DENND1A: variants seen among roughly 807,000 people sequenced by gnomAD.
The protein encoded by DENND1A is DENN domain containing 1A.
In DENND1A, 51 loss-of-function variants were observed where a neutral mutation model predicts 113.7. The observed-to-expected ratio is 0.45, with a 90% CI of 0.36 to 0.57. DENND1A has a LOEUF of 0.57. Ranked by LOEUF, DENND1A falls within the 20% of genes least tolerant of loss-of-function variation. DENND1A has a pLI of 0.00. For synonymous variants in DENND1A, 565 were observed against 570.8 expected (o/e 0.99, Z 0.14); for missense variants, 1,258 against 1,395.9 (o/e 0.90, Z 1.57).
intron 11 of DENND1A, among the ~76,000 whole-genome samples, chr9:123,598,476 A>C (rs1214870868): frequency 6.6e-6 from 1 of 151,714 alleles, no homozygotes; most frequent in Non-Finnish European, 1.5e-5. Context: ...AAAAAAAAAA[A>C]ACCAACCCCA....
At chr9:123,860,096 G>A (rs1026207057) in intron 2 of DENND1A, among the ~76,000 whole-genome samples, 4 of 152,170 alleles carry the variant, frequency 2.6e-5, no homozygotes, top group Non-Finnish European at 5.9e-5. Context: ...GAAGGTGCAC[G>A]CCTGAGCTAA....
intron 5 of DENND1A, among the ~76,000 whole-genome samples, chr9:123,705,572 C>T (rs759402545): frequency 2.0e-5 from 3 of 151,756 alleles, no homozygotes; most frequent in African/African-American, 7.3e-5. Flanking sequence ...TTATAGAACC[C>T]GTAAAAACAT....
intron 1 of DENND1A, among the ~76,000 whole-genome samples, chr9:123,926,243 T>C (rs1046706855): frequency 2.6e-5 from 4 of 152,176 alleles, no homozygotes; most frequent in African/African-American, 9.7e-5. Context: ...AATGTTGATT[T>C]GAGGCAAGAC....
intron 8 of DENND1A, among the ~76,000 whole-genome samples, chr9:123,666,367 C>A (rs2063493486): frequency 6.6e-6 from 1 of 152,308 alleles, no homozygotes; most frequent in Middle Eastern, 3.4e-3. Flanking sequence ...AGAAGGCAAA[C>A]ATCAACCTTC....
chr9:123,385,316 C>G (rs2042502868), intron 22 of DENND1A, among the ~76,000 whole-genome samples: 1 of 152,186 alleles, frequency 6.6e-6, no homozygotes, highest in Non-Finnish European at 1.5e-5. Flanking sequence ...AGGCTCCTGC[C>G]TTTTGCCTGG....
chr9:123,483,347 G>C (rs536543425), intron 13 of DENND1A, among the ~76,000 whole-genome samples: 5 of 152,184 alleles, frequency 3.3e-5, no homozygotes, highest in Non-Finnish European at 5.9e-5. Flanking sequence ...AGAGATGCTG[G>C]GGGGCCATGC....
intron 3 of DENND1A, among the ~76,000 whole-genome samples, chr9:123,775,562 T>TC (rs1267323279): frequency 2.3e-4 from 35 of 152,174 alleles, no homozygotes; most frequent in Non-Finnish European, 4.7e-4. Context: ...AAATACTATT[T>TC]TGTAAGCATA....
intron 2 of DENND1A, among the ~76,000 whole-genome samples, chr9:123,865,994 C>G (rs1005796465): frequency 6.6e-6 from 1 of 152,152 alleles, no homozygotes; most frequent in Non-Finnish European, 1.5e-5. Context: ...ACTTCCTGGA[C>G]GGCCATGATG....
At chr9:123,646,623 T>C (rs1383741912) in intron 9 of DENND1A, among the ~76,000 whole-genome samples, 1 of 152,096 alleles carries the variant, frequency 6.6e-6, no homozygotes, top group African/African-American at 2.4e-5. Flanking sequence ...CCACTCCCCA[T>C]CCGCTCTCTT....
intron 5 of DENND1A, among the ~76,000 whole-genome samples, chr9:123,754,247 T>C (rs1231945572): frequency 6.6e-6 from 1 of 152,162 alleles, no homozygotes; most frequent in East Asian, 1.9e-4. Context: ...TGAGCTCTCA[T>C]TCTCTTGGCA....
intron 7 of DENND1A, among the ~76,000 whole-genome samples, chr9:123,668,813 G>A (rs182157284): frequency 7.2e-5 from 11 of 152,306 alleles, no homozygotes; most frequent in East Asian, 3.9e-4. Context: ...ACGGTGTAGC[G>A]TGGGAACTAG....
chr9:123,626,761 T>C (rs976529906), intron 10 of DENND1A, among the ~76,000 whole-genome samples: 2 of 152,142 alleles, frequency 1.3e-5, no homozygotes, highest in Non-Finnish European at 2.9e-5. Context: ...AGGTTGAATC[T>C]GAGGAATGGG....
At chr9:123,705,501 A>C (rs76962461) in intron 5 of DENND1A, among the ~76,000 whole-genome samples, 2,593 of 152,310 alleles carry the variant, frequency 0.017, 67 homozygotes, top group African/African-American at 0.059. Flanking sequence ...CAATATTCAG[A>C]AATCAATTGA....
intron 21 of DENND1A, chr9:123,400,327 G>T (rs913457573): frequency 6.6e-6 from 1 of 152,180 alleles, no homozygotes; most frequent in Non-Finnish European, 1.5e-5. Context: ...CCCTTTTAAG[G>T]CCTCCTTTAA....
intron 10 of DENND1A, among the ~76,000 whole-genome samples, chr9:123,623,183 G>A (rs2061038488): frequency 6.6e-6 from 1 of 152,072 alleles, no homozygotes; most frequent in African/African-American, 2.4e-5. Context: ...GATAAAAAGA[G>A]AAGATGAATT....
intron 1 of DENND1A, among the ~76,000 whole-genome samples, chr9:123,890,365 T>C (rs976913688): frequency 5.3e-5 from 8 of 152,214 alleles, no homozygotes; most frequent in Non-Finnish European, 8.8e-5. Flanking sequence ...AAATGGAATA[T>C]TTTTTACATA....
intron 19 of DENND1A, among the ~76,000 whole-genome samples, chr9:123,425,630 T>TG (rs5900574): frequency 1 from 152,107 of 152,300 alleles, 75,957 homozygotes; most frequent in Non-Finnish European, 1. Flanking sequence ...CAAACTCTCA[T>TG]GGGCAGCTCG....
chr9:123,474,351 T>G (rs1418575518), intron 13 of DENND1A, among the ~76,000 whole-genome samples: 1 of 152,216 alleles, frequency 6.6e-6, no homozygotes, highest in Non-Finnish European at 1.5e-5. Flanking sequence ...AGAAGAACCC[T>G]GACAATTATA....
At chr9:123,507,034 C>T (rs568196953) in intron 13 of DENND1A, among the ~76,000 whole-genome samples, 2 of 152,168 alleles carry the variant, frequency 1.3e-5, no homozygotes, top group South Asian at 2.1e-4. Context: ...AAAAACAATA[C>T]AAAAATTAGC....
Sources: allele counts gnomAD v4.1 joint callset (sites outside exome capture counted in the v4.1 genomes callset), GRCh38; gene constraint gnomAD v4.1.1; transcripts MANE v1.5; gene names NCBI Gene and HGNC (gene_info 2026-07-23, HGNC 2026-07-21).